UGT1A8: variants seen among roughly 807,000 people sequenced by gnomAD.
UGT1A8 encodes UDP glucuronosyltransferase family 1 member A8.
A neutral mutation model predicts 45.3 loss-of-function variants in UGT1A8; 39 were observed. The ratio of observed to expected loss-of-function variants is 0.86; its 90% CI spans 0.67 to 1.12. UGT1A8 has a LOEUF of 1.12. Among genes scored for constraint, UGT1A8 ranks in the 50% most tolerant of loss-of-function variants. The probability of loss-of-function intolerance (pLI) is 0.00; values close to 1 mark genes in which losing one functional copy is unlikely to be tolerated. For missense variants in UGT1A8, 719 were observed against 664.9 expected, an observed-to-expected ratio of 1.08 and a Z score of -0.90; for synonymous variants, 275 against 249.2, an observed-to-expected ratio of 1.10 and a Z score of -0.97.
At chr2:233,684,672 TATG>T (rs1474051329) in intron 1 of UGT1A8, among the ~76,000 whole-genome samples, 2 of 152,140 alleles carry the variant, frequency 1.3e-5, no homozygotes, top group African/African-American at 4.8e-5. Flanking sequence ...GGAATATACA[TATG>T]ATAGGATTTA....
intron 1 of UGT1A8, among the ~76,000 whole-genome samples, chr2:233,725,490 G>T (rs542689319): frequency 1.3e-5 from 2 of 151,958 alleles, no homozygotes; most frequent in Non-Finnish European, 2.9e-5. Context: ...CCAGCAAAAA[G>T]AAACCACTGA....
chr2:233,757,503 A>G (rs1469765233), intron 1 of UGT1A8, among the ~76,000 whole-genome samples: 5 of 137,398 alleles, frequency 3.6e-5, no homozygotes, highest in African/African-American at 1.1e-4. Context: ...GAGTGATAGC[A>G]TGATTCCAAA....
chr2:233,750,438 G>A (rs1694457559), intron 1 of UGT1A8, among the ~76,000 whole-genome samples: 1 of 151,952 alleles, frequency 6.6e-6, no homozygotes, highest in South Asian at 2.1e-4. Flanking sequence ...ATTTTATGGG[G>A]AGAAATTCAA....
intron 1 of UGT1A8, chr2:233,738,996 C>T (rs1041933241): frequency 6.6e-6 from 1 of 152,238 alleles, no homozygotes; most frequent in African/African-American, 2.4e-5. Context: ...GACTTGGTGC[C>T]CTGTGTCCCA....
intron 1 of UGT1A8, chr2:233,743,866 C>G (rs1227330853): frequency 7.3e-7 from 1 of 1,367,058 alleles, no homozygotes; most frequent in Non-Finnish European, 9.8e-7. Context: ...TCTTGATGGC[C>G]TCGGATGAGG....
At chr2:233,661,708 CTT>C (rs767733403) in intron 1 of UGT1A8, among the ~76,000 whole-genome samples, 5 of 90,810 alleles carry the variant, frequency 5.5e-5, no homozygotes, top group East Asian at 5.9e-4. Flanking sequence ...TATCTGGATT[CTT>C]TTTTTTTTTT....
At chr2:233,703,158 C>T (rs2075725163) in intron 1 of UGT1A8, among the ~76,000 whole-genome samples, 1 of 152,106 alleles carries the variant, frequency 6.6e-6, no homozygotes, top group Admixed American at 6.5e-5. Context: ...TGTATTTCTT[C>T]TTGATTCAAT....
intron 1 of UGT1A8, chr2:233,636,948 T>C: frequency 3.1e-6 from 5 of 1,614,204 alleles, no homozygotes; most frequent in Non-Finnish European, 4.2e-6. Context: ...AGAGTTCTTT[T>C]GATGCAGTGT....
intron 1 of UGT1A8, among the ~76,000 whole-genome samples, chr2:233,753,927 T>C (rs943116990): frequency 6.6e-6 from 1 of 152,224 alleles, no homozygotes; most frequent in Non-Finnish European, 1.5e-5. Flanking sequence ...CTCAGTGATA[T>C]GGGATTCAAA....
intron 3 of UGT1A8, 127 bp downstream of exon 3, chr2:233,768,063 T>A (rs1012824630): frequency 1.3e-6 from 2 of 1,599,680 alleles, no homozygotes; most frequent in African/African-American, 2.7e-5. Context: ...CATTGCTTTT[T>A]ATCTAGTGGG....
intron 1 of UGT1A8, among the ~76,000 whole-genome samples, chr2:233,651,151 T>C (rs2073729714): frequency 6.6e-6 from 1 of 152,172 alleles, no homozygotes; most frequent in Non-Finnish European, 1.5e-5. Context: ...AGGCTAGACT[T>C]TTCAAAGTGC....
chr2:233,744,393 C>T (rs17864702), intron 1 of UGT1A8, among the ~76,000 whole-genome samples: 2,182 of 151,914 alleles, frequency 0.014, 41 homozygotes, highest in South Asian at 0.024. Context: ...GTTCCAGCCC[C>T]GGTGCCCATT....
In UGT1A8 at chr2:233,760,364, ATGCTGGGAAGATAC is replaced by A. The variant is rs775463336; in HGVS notation, c.856-6667_856-6654del. 13 of 1,614,036 alleles carry A rather than the reference ATGCTGGGAAGATAC, an allele frequency of 8.1e-6. No homozygotes were observed. In the African/African-American group the frequency reaches 1.6e-4, roughly 20 times the overall value. On this transcript the variant is annotated intron_variant, in intron 1 of 4. Coordinates refer to ENST00000373450, the MANE Select transcript of UGT1A8 (RefSeq NM_019076.5). ...TGTGTGCTGGGCCCAGTGGTGTCCC[ATGCTGGGAAGATAC>A]TGTTGATCCCAGTGGATGGCAGCCA... is the stretch of plus-strand genomic sequence containing the variant.
chr2:233,641,851 G>T (rs879789989), intron 1 of UGT1A8, among the ~76,000 whole-genome samples: 7 of 152,064 alleles, frequency 4.6e-5, no homozygotes, highest in African/African-American at 1.7e-4. Context: ...GCCTGTAAGG[G>T]TTCCACTGAA....
chr2:233,636,418 A>C, intron 1 of UGT1A8: 1 of 1,487,486 alleles, frequency 6.7e-7, no homozygotes. Context: ...TGAAAGGATA[A>C]ATACACGCCC....
chr2:233,624,163 C>T (rs2073057030), intron 1 of UGT1A8, among the ~76,000 whole-genome samples: 1 of 152,096 alleles, frequency 6.6e-6, no homozygotes, highest in African/African-American at 2.4e-5. Context: ...CTGTTTCCTT[C>T]AGATTTCATT....
At chr2:233,718,914 T>C (rs373069908) in intron 1 of UGT1A8, 68 of 1,613,948 alleles carry the variant, frequency 4.2e-5, no homozygotes, top group Admixed American at 6.7e-5. Context: ...TGGAAAGGTG[T>C]TGGTGGTGCC....
chr2:233,691,173 G>C, intron 1 of UGT1A8: 1 of 985,646 alleles, frequency 1.0e-6, no homozygotes, highest in Non-Finnish European at 1.2e-6. Context: ...CCTAATGTCT[G>C]CCTGCTCAAG....
chr2:233,623,599 C>T (rs1326452474), intron 1 of UGT1A8, among the ~76,000 whole-genome samples: 1 of 152,098 alleles, frequency 6.6e-6, no homozygotes, highest in Admixed American at 6.6e-5. Flanking sequence ...GCCACAATAT[C>T]ATTATCATAT....
Sources: allele counts gnomAD v4.1 joint callset (sites outside exome capture counted in the v4.1 genomes callset), GRCh38; gene constraint gnomAD v4.1.1; transcripts MANE v1.5; gene names NCBI Gene and HGNC (gene_info 2026-07-23, HGNC 2026-07-21).